The following KSR2 variants were observed in gnomAD, a reference collection of about 807,000 sequenced individuals.
KSR2 encodes the protein kinase suppressor of ras 2.
A neutral mutation model predicts 107.8 loss-of-function variants in KSR2; 25 were observed. That is an observed-to-expected ratio of 0.23 (90% CI 0.17 to 0.32). KSR2 has a LOEUF of 0.32. KSR2 is among the 10% of genes least tolerant of loss of function. The probability of loss-of-function intolerance (pLI) is 1.00; values close to 1 mark genes in which losing one functional copy is unlikely to be tolerated. For missense variants in KSR2, 887 were observed against 1,268.9 expected (o/e 0.70, Z 4.57); for synonymous variants, 480 against 507.0 (o/e 0.95, Z 0.71).
At chr12:117,834,063 C>A (rs1031887651) in intron 3 of KSR2, among the ~76,000 whole-genome samples, 2 of 151,816 alleles carry the variant, frequency 1.3e-5, no homozygotes, top group Admixed American at 6.6e-5. Flanking sequence ...ACGGCTTGAG[C>A]CTGGCAGGCA....
In KSR2 at chr12:117,842,479, C is replaced by T. The variant is rs891892881; in HGVS notation, c.472+12949G>A. Among the ~76,000 whole-genome samples the T allele has an allele frequency of 2.0e-5, 3 of 152,144 alleles. No homozygotes were observed. Among genetic ancestry groups the T allele is most frequent in the African/African-American group, 4.8e-5 (2 of 41,434 alleles). ...AGGGACCAGATCGGGAGCCCAGGGACAGGACTGGGGGTCTCATTCTAAGAT... is the reference window on the plus strand; with the variant it reads ...AGGGACCAGATCGGGAGCCCAGGGATAGGACTGGGGGTCTCATTCTAAGAT... On this transcript the variant is annotated intron_variant, in intron 3 of 19. Transcript: ENST00000339824. This position sits in a 1 kb window ranked among gnomAD's most constrained non-coding sequence, Gnocchi z 4.2.
intron 7 of KSR2, among the ~76,000 whole-genome samples, chr12:117,577,489 G>C (rs1879356735): frequency 6.6e-6 from 1 of 152,100 alleles, no homozygotes; most frequent in South Asian, 2.1e-4. Context: ...TGCCACCCAA[G>C]GCAGGCAAGA....
intron 5 of KSR2, among the ~76,000 whole-genome samples, chr12:117,642,879 A>G (rs7305116): frequency 0.46 from 70,440 of 152,074 alleles, 18,648 homozygotes; most frequent in Non-Finnish European, 0.6. Flanking sequence ...TTGTTAGGGA[A>G]TGGAAGGAAG....
At chr12:117,946,547 T>A (rs1271605218) in intron 1 of KSR2, among the ~76,000 whole-genome samples, 1 of 152,060 alleles carries the variant, frequency 6.6e-6, no homozygotes, top group Non-Finnish European at 1.5e-5. Flanking sequence ...ATACACTACA[T>A]GAATAATCCT....
At chr12:117,480,059 TG>T (rs1237410715) in intron 16 of KSR2, among the ~76,000 whole-genome samples, 1 of 151,858 alleles carries the variant, frequency 6.6e-6, no homozygotes, top group South Asian at 2.1e-4. Flanking sequence ...TGTGTGTGTG[TG>T]TTTATCTCGA....
At chr12:117,616,231 A>T (rs1177749029) in intron 5 of KSR2, among the ~76,000 whole-genome samples, 1 of 152,118 alleles carries the variant, frequency 6.6e-6, no homozygotes, top group Non-Finnish European at 1.5e-5. Context: ...TATTTTTATA[A>T]ATATTTAAAT....
intron 5 of KSR2, among the ~76,000 whole-genome samples, chr12:117,642,291 C>G (rs1034968787): frequency 3.3e-5 from 5 of 152,182 alleles, no homozygotes; most frequent in African/African-American, 1.2e-4. Context: ...TCCGTTTCCT[C>G]GTTGCCCATC....
intron 1 of KSR2, among the ~76,000 whole-genome samples, chr12:117,949,185 T>A (rs1283923771): frequency 6.6e-6 from 1 of 151,730 alleles, no homozygotes; most frequent in East Asian, 1.9e-4. Flanking sequence ...TACAAAAAAA[T>A]GAATCACAGA....
In KSR2 at chr12:117,525,021, G is replaced by A. The variant is rs1265462793; in HGVS notation, c.2050C>T (p.Arg684Cys). ...KGRFGQVYHGRWHGEVAIRLI... is the reference protein window; with the variant it reads ...KGRFGQVYHGCWHGEVAIRLI... ...CGGATGGCCACCTCGCCATGCCAGC[G>A]GCCGTGGTACACTTGCCCAAAGCGG... Residue 684 changes from arginine (R) to cysteine (C), a missense_variant, in exon 14 of 20, where the codon CGC (arginine) becomes TGC (cysteine). By Grantham distance (180) the Arg-to-Cys change is radical (BLOSUM62 -3). Transcript: ENST00000339824. 5.6e-6 allele frequency: 9 copies of A among 1,613,804 alleles called. No individual in the cohort carries two copies. The highest frequency in any genetic ancestry group is 1.7e-5 in the Admixed American group (1 of 59,996).
At chr12:117,900,662 A>G (rs1430157723) in intron 1 of KSR2, among the ~76,000 whole-genome samples, 2 of 152,140 alleles carry the variant, frequency 1.3e-5, no homozygotes, top group Non-Finnish European at 2.9e-5. Context: ...ACAACTTGTA[A>G]CCCACTGCTT....
intron 4 of KSR2, chr12:117,674,202 T>C (rs1230118490): frequency 4.5e-6 from 2 of 447,062 alleles, no homozygotes; most frequent in African/African-American, 4.0e-5. Flanking sequence ...TCCCGAGAAA[T>C]CTTACATTGT....
chr12:117,723,495 T>A (rs1887294338), intron 4 of KSR2, among the ~76,000 whole-genome samples: 1 of 152,150 alleles, frequency 6.6e-6, no homozygotes, highest in Admixed American at 6.5e-5. Flanking sequence ...TCATCCATGA[T>A]CTCACAGATA....
chr12:117,778,390 C>T (rs920787168), intron 3 of KSR2, among the ~76,000 whole-genome samples: 4 of 152,072 alleles, frequency 2.6e-5, no homozygotes, highest in Non-Finnish European at 5.9e-5. Context: ...TGCACCCGGC[C>T]GAAACAATCC....
chr12:117,814,543 T>G (rs755173936), intron 3 of KSR2, among the ~76,000 whole-genome samples: 1 of 152,026 alleles, frequency 6.6e-6, no homozygotes, highest in Non-Finnish European at 1.5e-5. Flanking sequence ...AGGGCGGAGA[T>G]TAAATAAACT....
At chr12:117,923,667 ATGTGTG>A (rs530388125) in intron 1 of KSR2, among the ~76,000 whole-genome samples, 1 of 150,748 alleles carries the variant, frequency 6.6e-6, no homozygotes. Context: ...TAAAATATAT[ATGTGTG>A]TGTGTGTGTG....
chr12:117,966,688 C>A (rs61943461), intron 1 of KSR2, among the ~76,000 whole-genome samples: 1 of 140,950 alleles, frequency 7.1e-6, no homozygotes, highest in Non-Finnish European at 1.6e-5. Context: ...CTCTCTTTCT[C>A]CCTCCCTCTC....
chr12:117,557,227 G>A (rs1168572123), intron 8 of KSR2, among the ~76,000 whole-genome samples: 1 of 152,180 alleles, frequency 6.6e-6, no homozygotes, highest in Non-Finnish European at 1.5e-5. Context: ...TTGGGCTTTT[G>A]TTGGAAATGT....
At chr12:117,593,211 C>T (rs758314532) in intron 5 of KSR2, among the ~76,000 whole-genome samples, 1 of 152,224 alleles carries the variant, frequency 6.6e-6, no homozygotes, top group African/African-American at 2.4e-5. Flanking sequence ...GCTTCCCCTG[C>T]CTGGCTCGGA....
intron 3 of KSR2, among the ~76,000 whole-genome samples, chr12:117,805,570 A>G (rs577671483): frequency 2.0e-5 from 3 of 152,356 alleles, no homozygotes; most frequent in African/African-American, 7.2e-5. Context: ...TGTGCTGGCT[A>G]TGCTTCAAAA....
Sources: gnomAD v4.1 joint callset for allele counts (sites outside exome capture counted in the v4.1 genomes callset) on GRCh38, gnomAD v4.1.1 for gene constraint, Gnocchi (gnomAD v3.1) non-coding constraint, MANE v1.5 for transcripts, NCBI Gene and HGNC (gene_info 2026-07-23, HGNC 2026-07-21) for gene names.